Variants in ESPL1 observed in about 807,000 individuals in gnomAD.
The protein encoded by ESPL1 is extra spindle pole bodies like 1, separase.
Under a neutral mutation model 217.2 loss-of-function variants are expected in ESPL1, and 50 were observed. That is an observed-to-expected ratio of 0.23 (90% CI 0.18 to 0.29). The LOEUF (loss-of-function observed/expected upper bound fraction) is 0.29, where lower values mean the gene tolerates loss of function less well. Among genes scored for constraint, ESPL1 ranks in the 10% least tolerant of loss-of-function variants. The pLI, the probability that ESPL1 is intolerant of heterozygous loss-of-function variation, is 1.00. For synonymous variants in ESPL1, 994 were observed against 1,081.3 expected (o/e 0.92, Z 1.58); for missense variants, 1,834 against 2,603.0 (o/e 0.70, Z 6.43).
Position 53,276,731 on chromosome 12 carries a change from C to A in ESPL1, c.1812C>A (p.Phe604Leu). The change falls in exon 8 of 31, where the codon TTC (phenylalanine) becomes TTA (leucine). Residue 604 changes from phenylalanine to leucine, a missense_variant. By Grantham distance (22) the Phe-to-Leu change is conservative. Transcript: ENST00000257934. The stretch of plus-strand genomic sequence containing the variant: ...GGGCCGACACTGGACAGGAACGCTT[C>A]AACATCATCTGTGACCTCCTGGAGC... ...AVRADTGQER[F>L]NIICDLLELS... 6.2e-7 allele frequency: 1 copy of A among 1,613,614 alleles called. No individual in the cohort carries two copies. Among genetic ancestry groups the A allele is most frequent in the Non-Finnish European group, 8.5e-7 (1 of 1,180,026 alleles).
rs763388659 is a variant in ESPL1, at chr12:53,282,257, C to A, written c.2620-7C>A. On this transcript the variant is annotated splice_region_variant and splice_polypyrimidine_tract_variant and intron_variant, in intron 13 of 30. Coordinates refer to ENST00000257934, the MANE Select transcript of ESPL1 (RefSeq NM_012291.5). The surrounding 1 kb of genome is among the most constrained non-coding windows in gnomAD (Gnocchi z 4.0). Reference sequence around the variant, plus strand: ...TACTGCCTCCTCTGGCTCCTTCTCTCCTTCAGGTGACCAAGGGTGTCTCTC... The same window carrying A: ...TACTGCCTCCTCTGGCTCCTTCTCTACTTCAGGTGACCAAGGGTGTCTCTC... 1 of 1,613,694 alleles carries A rather than the reference C, an allele frequency of 6.2e-7. No homozygotes were observed. The highest frequency in any genetic ancestry group is 2.2e-5 in the East Asian group (1 of 44,876).
At chr12:53,288,816 G>A (rs2120988194) in intron 20 of ESPL1, 117 bp downstream of exon 20, 1 of 901,222 alleles carries the variant, frequency 1.1e-6, no homozygotes, top group Admixed American at 3.2e-5. Context: ...CTGAACCTGT[G>A]TTTGAACCCC....
Position 53,283,166 on chromosome 12 carries a change from T to A in ESPL1, c.2829T>A (p.His943Gln), listed in dbSNP as rs1366331736. The change falls in exon 15 of 31, where the codon CAT becomes CAA. Residue 943 changes from histidine (H) to glutamine (Q), a missense_variant. His to Gln is a conservative substitution (Grantham distance 24). Around this residue, in one of 5 missense-constraint regions of ESPL1, gnomAD observed 107 missense variants for 171.7 expected, o/e 0.62. Coordinates refer to ENST00000257934, the MANE Select transcript of ESPL1 (RefSeq NM_012291.5). ...CTGAGATAGCTCTCATAGACTCCCA[T>A]AAGCTCCTCCGAAGCATCATCCTCC... Reference protein sequence around the residue: ...QTPEIALIDSHKLLRSIILLL... With the variant: ...QTPEIALIDSQKLLRSIILLL... 2 of 1,614,112 alleles carry A rather than the reference T, an allele frequency of 1.2e-6. No individual in the cohort carries two copies.
rs1184900228 is a variant in ESPL1 at position 53,292,547 on chromosome 12, A to G, written c.5913-27A>G. On this transcript the variant is annotated intron_variant, in intron 28 of 30. Transcript: ENST00000257934. The surrounding 1 kb of genome is among the most constrained non-coding windows in gnomAD (Gnocchi z 4.5). ...CCTGACCCCTGCCATGCATTTCCCT[A>G]TTCTCACACCTGCCTTTTCCCTGCA... 1 of 1,599,182 alleles carries G rather than the reference A, an allele frequency of 6.3e-7. No homozygotes were observed. The highest frequency in any genetic ancestry group is 8.6e-7 in the Non-Finnish European group (1 of 1,169,116).
At chr12:53,283,981 G>A in intron 16 of ESPL1, 77 bp from the exon 17 acceptor site, 1 of 1,107,792 alleles carries the variant, frequency 9.0e-7, no homozygotes, top group South Asian at 1.3e-5. Flanking sequence ...GCTTGGCCTG[G>A]GAAAGAGGCA....
rs1314655604 is a variant in ESPL1, at chr12:53,288,103, G to A, written c.4308G>A (p.Thr1436=). The A allele has an allele frequency of 9.9e-6, 16 of 1,613,564 alleles. No homozygotes were observed. Among genetic ancestry groups the A allele is most frequent in the East Asian group, 2.2e-5 (1 of 44,886 alleles). ...CAAGGAAGGGCCTGAGCCTAAAGACGGATGCCGTGGTTGCCCCAGGTAGTG... is the reference window on the plus strand; with the variant it reads ...CAAGGAAGGGCCTGAGCCTAAAGACAGATGCCGTGGTTGCCCCAGGTAGTG... ...GRARKGLSLK[T]DAVVAPGSAP... Residue 1436 remains threonine, a synonymous_variant, in exon 19 of 31, where the codon ACG becomes ACA. Coordinates refer to ENST00000257934, the MANE Select transcript of ESPL1 (RefSeq NM_012291.5).
chr12:53,269,087 G>A lies in ESPL1; in HGVS notation c.145G>A (p.Ala49Thr), dbSNP rs1458676584. 5.0e-6 allele frequency: 8 copies of A among 1,614,058 alleles called. No individual in the cohort carries two copies. The East Asian group carries it at 1.8e-4, about 36-fold the overall frequency. ...CCGATCTGATGCTGAGAGGAGACAA[G>A]CTTGTGATGCCATCCTGAGGGCTTG... Reference protein sequence around the residue: ...SSRSDAERRQACDAILRACNQ... With the variant: ...SSRSDAERRQTCDAILRACNQ... Residue 49 changes from alanine to threonine, a missense_variant, in exon 3 of 31, where the codon GCT becomes ACT. Physicochemically the swap from Ala to Thr is moderately conservative, Grantham distance 58 (BLOSUM62 0). Coordinates refer to ENST00000257934, the MANE Select transcript of ESPL1 (RefSeq NM_012291.5). This position sits in a 1 kb window ranked among gnomAD's most constrained non-coding sequence, Gnocchi z 6.7.
chr12:53,276,708 G>A lies in ESPL1; in HGVS notation c.1789G>A (p.Ala597Thr). 6.2e-7 allele frequency: 1 copy of A among 1,613,218 alleles called. No individual in the cohort carries two copies. The highest frequency in any genetic ancestry group is 8.5e-7 in the Non-Finnish European group (1 of 1,180,026). Residue 597 changes from alanine to threonine, a missense_variant, in exon 8 of 31, where the codon GCC becomes ACC. Around this residue, in one of 5 missense-constraint regions of ESPL1, gnomAD observed 746 missense variants for 1,077.0 expected, o/e 0.69. Transcript: ENST00000257934. ...GCTGCAGGCCTACAAGGCGGTGCGG[G>A]CCGACACTGGACAGGAACGCTTCAA... ...EELQAYKAVR[A>T]DTGQERFNII...
chr12:53,277,077 C>T lies in ESPL1; in HGVS notation c.1941-6C>T, dbSNP rs1943779239. 1 of 1,612,276 alleles carries T rather than the reference C, an allele frequency of 6.2e-7. No individual in the cohort carries two copies. The highest frequency in any genetic ancestry group is 8.5e-7 in the Non-Finnish European group (1 of 1,178,776). On this transcript the variant is annotated splice_region_variant and splice_polypyrimidine_tract_variant and intron_variant, in intron 8 of 30. Transcript: ENST00000257934. ...GGCCCAGCTTAAGCACATCTTCTCC[C>T]TGCAGCTCTGCTCTGGATGCTATCC...
chr12:53,283,273 A>T lies in ESPL1; in HGVS notation c.2920+16A>T. 1 of 1,614,128 alleles carries T rather than the reference A, an allele frequency of 6.2e-7. No individual in the cohort carries two copies. Among genetic ancestry groups the T allele is most frequent in the Non-Finnish European group, 8.5e-7 (1 of 1,179,980 alleles). On this transcript the variant is annotated intron_variant, in intron 15 of 30. Transcript: ENST00000257934. ...TTGGACTATGGTGAGTCTGGGGAGG[A>T]CAGCAGGGCCCTCTTGGAATGGACA...
intron 19 of ESPL1, 61 bp from the exon 20 acceptor site, chr12:53,288,477 G>A: frequency 3.3e-6 from 5 of 1,507,142 alleles, no homozygotes; most frequent in Non-Finnish European, 4.4e-6. Context: ...ATTACAGAAG[G>A]AAGAACAAAG....
intron 17 of ESPL1, 38 bp from the exon 18 acceptor site, chr12:53,285,886 C>A: frequency 6.6e-7 from 1 of 1,504,054 alleles, no homozygotes; most frequent in Non-Finnish European, 8.9e-7. Flanking sequence ...GATGCCATTT[C>A]TCCCCGTTTT....
chr12:53,276,552 T>C lies in ESPL1; in HGVS notation c.1701-68T>C, dbSNP rs148682285. On this transcript the variant is annotated intron_variant, in intron 7 of 30. Coordinates refer to ENST00000257934, the MANE Select transcript of ESPL1 (RefSeq NM_012291.5). ...AAGCCAAGGCTGGGGCTCCTCAGCATGGGAGCAGGTAGCAGAGGCTTTATG... is the reference window on the plus strand; with the variant it reads ...AAGCCAAGGCTGGGGCTCCTCAGCACGGGAGCAGGTAGCAGAGGCTTTATG... 2.0e-5 allele frequency: 29 copies of C among 1,478,414 alleles called. No homozygotes were observed. The African/African-American group carries it at 3.5e-4, about 18-fold the overall frequency. 91.6% of individuals were successfully genotyped at this position (1,478,414 alleles called of 1,614,324 possible). A position where few individuals can be genotyped will look rare whatever the true frequency, so the allele number is the denominator to read the frequency against.
At chr12:53,276,971 C>T in intron 8 of ESPL1, 112 bp downstream of exon 8, 2 of 1,550,744 alleles carry the variant, frequency 1.3e-6, no homozygotes, top group Non-Finnish European at 1.8e-6. Flanking sequence ...CATCTTGTGG[C>T]CATGGGAGCA....
chr12:53,288,345 G>T lies in ESPL1; in HGVS notation c.4546+4G>T. The T allele has an allele frequency of 6.3e-7, 1 of 1,588,242 alleles. No individual in the cohort carries two copies. Among genetic ancestry groups the T allele is most frequent in the Middle Eastern group, 1.7e-4 (1 of 5,976 alleles). On this transcript the variant is annotated splice_donor_region_variant and intron_variant, in intron 19 of 30. Transcript: ENST00000257934. ...GACGGGGAAGACTCAGCCTCAGGTA[G>T]GACAGCAAGGGTGAGGTGGAAGGTG... is the stretch of plus-strand genomic sequence containing the variant.
Position 53,289,568 on chromosome 12 carries a change from A to G in ESPL1, c.5087A>G (p.Gln1696Arg). 13 of 1,614,016 alleles carry G rather than the reference A, an allele frequency of 8.1e-6. No homozygotes were observed. The highest frequency in any genetic ancestry group is 6.6e-5 in the South Asian group (6 of 91,084). Reference protein sequence around the residue: ...HFPQPEKESFQERLALIPSGV... With the variant: ...HFPQPEKESFRERLALIPSGV... ...CCCCAGCCTGAAAAGGAGAGTTTCC[A>G]GGAGCGCCTGGCTCTGATCCCCAGT... is the stretch of plus-strand genomic sequence containing the variant. The change falls in exon 22 of 31, where the codon CAG becomes CGG. Residue 1696 changes from glutamine to arginine, a missense_variant. By Grantham distance (43) the Gln-to-Arg change is conservative (BLOSUM62 1). Around this residue, in one of 5 missense-constraint regions of ESPL1, gnomAD observed 681 missense variants for 808.0 expected, o/e 0.84. Coordinates refer to ENST00000257934, the MANE Select transcript of ESPL1 (RefSeq NM_012291.5).
chr12:53,286,027 G>A lies in ESPL1; in HGVS notation c.3291G>A (p.Glu1097=), dbSNP rs34100547. 1,815 of 1,606,940 alleles carry A rather than the reference G, an allele frequency of 1.1e-3. 18 individuals carry two copies. In the African/African-American group the frequency reaches 0.021, roughly 19 times the overall value. Residue 1097 remains glutamate (E), a synonymous_variant, in exon 18 of 31, where the codon GAG becomes GAA. Coordinates refer to ENST00000257934, the MANE Select transcript of ESPL1 (RefSeq NM_012291.5). This position sits in a 1 kb window ranked among gnomAD's most constrained non-coding sequence, Gnocchi z 5.3. The part of the protein sequence containing the change: ...QVPCPPQLPE[E]ELFLRGPALE... Reference sequence around the variant, plus strand: ...CCTGTCCTCCACAGCTCCCAGAGGAGGAGCTCTTCCTAAGAGGCCCTGCTC... The same window carrying A: ...CCTGTCCTCCACAGCTCCCAGAGGAAGAGCTCTTCCTAAGAGGCCCTGCTC...
At position 53,292,735 on chromosome 12, in the gene ESPL1, G is replaced by A; in HGVS notation, c.5997-71G>A. ...CACCATGGGTTGCTTTGGGACTTGA[G>A]AGCCTCTGAAGACACAGGCAGAGGC... is the stretch of plus-strand genomic sequence containing the variant. On this transcript the variant is annotated intron_variant, in intron 29 of 30. Coordinates refer to ENST00000257934, the MANE Select transcript of ESPL1 (RefSeq NM_012291.5). This position sits in a 1 kb window ranked among gnomAD's most constrained non-coding sequence, Gnocchi z 4.5. 4 of 1,600,334 alleles carry A rather than the reference G, an allele frequency of 2.5e-6. No homozygotes were observed. Among genetic ancestry groups the A allele is most frequent in the Non-Finnish European group, 3.4e-6 (4 of 1,171,018 alleles).
intron 5 of ESPL1, among the ~76,000 whole-genome samples, chr12:53,271,474 G>T (rs1331270890): frequency 1.3e-5 from 2 of 151,864 alleles, no homozygotes. Flanking sequence ...TGCCCACCTT[G>T]GCTTCCCTGA....
Sources: gnomAD v4.1 joint callset for allele counts (sites outside exome capture counted in the v4.1 genomes callset) on GRCh38, gnomAD v4.1.1 for gene constraint, gnomAD v4.1.1 regional missense constraint, Gnocchi (gnomAD v3.1) non-coding constraint, MANE v1.5 for transcripts, NCBI Gene and HGNC (gene_info 2026-07-23, HGNC 2026-07-21) for gene names.